BTBD8: variants seen among roughly 807,000 people sequenced by gnomAD.
BTBD8 encodes BTB/POZ domain-containing protein 8.
BTBD8 carries 110 observed loss-of-function variants against 162.9 expected under a neutral mutation model. The observed-to-expected ratio is 0.68, with a 90% CI of 0.58 to 0.79. BTBD8 has a LOEUF of 0.79. Among genes scored for constraint, BTBD8 ranks in the 30% least tolerant of loss-of-function variants. The pLI is 0.00. For missense variants in BTBD8, 1,905 were observed against 2,085.4 expected, an observed-to-expected ratio of 0.91 and a Z score of 1.68; for synonymous variants, 667 against 716.1, an observed-to-expected ratio of 0.93 and a Z score of 1.10.
chr1:92,093,854 T>G (rs1472031691), intron 2 of BTBD8, among the ~76,000 whole-genome samples: 1 of 152,218 alleles, frequency 6.6e-6, no homozygotes, highest in Non-Finnish European at 1.5e-5. Context: ...TGCTATGAAA[T>G]TATACATTTC....
chr1:92,156,889 A>G (rs1398773038), intron 9 of BTBD8, among the ~76,000 whole-genome samples: 1 of 151,102 alleles, frequency 6.6e-6, no homozygotes, highest in Non-Finnish European at 1.5e-5. Context: ...AAAGCAACTC[A>G]GTTTTGTTAT....
At chr1:92,089,239 G>T (rs1243720823) in intron 2 of BTBD8, among the ~76,000 whole-genome samples, 1 of 152,038 alleles carries the variant, frequency 6.6e-6, no homozygotes, top group African/African-American at 2.4e-5. Flanking sequence ...GGCACTACTG[G>T]CATTTCAGGT....
chr1:92,128,083 C>T (rs192751474), intron 4 of BTBD8, among the ~76,000 whole-genome samples: 3 of 152,178 alleles, frequency 2.0e-5, no homozygotes, highest in South Asian at 2.1e-4. Context: ...TCTAGCCTTA[C>T]GAGTTACATT....
At chr1:92,168,134 G>C (rs995851644) in intron 11 of BTBD8, 149 bp downstream of exon 11, 1 of 551,286 alleles carries the variant, frequency 1.8e-6, no homozygotes, top group African/African-American at 2.0e-5. Flanking sequence ...TATATGTTTG[G>C]AATTTTTTAT....
At chr1:92,171,564 T>TGAAG (rs1650547284) in intron 13 of BTBD8, 104 bp downstream of exon 13, 1 of 679,174 alleles carries the variant, frequency 1.5e-6, no homozygotes, top group Non-Finnish European at 2.2e-6. Flanking sequence ...ATTCATTAAT[T>TGAAG]GAAGCTATTT....
chr1:92,080,455 TA>T lies in BTBD8; in HGVS notation c.-116del. 1 of 1,457,016 alleles carries T rather than the reference TA, an allele frequency of 6.9e-7. No individual in the cohort carries two copies. Among genetic ancestry groups the T allele is most frequent in the South Asian group, 1.4e-5 (1 of 72,712 alleles). 90.3% of individuals were successfully genotyped at this position (1,457,016 alleles called of 1,614,324 possible). On this transcript the variant is annotated 5_prime_UTR_variant, in exon 1 of 18. Transcript: ENST00000636805. ...GACGAGAGGCGTCAACCTTTTACCCTAGGGGGCGGATTTGGGTAGGAGCCGA... is the reference window on the plus strand; with the variant it reads ...GACGAGAGGCGTCAACCTTTTACCCTGGGGGCGGATTTGGGTAGGAGCCGA...
chr1:92,102,742 A>T, intron 3 of BTBD8, 73 bp downstream of exon 3: 3 of 1,273,486 alleles, frequency 2.4e-6, no homozygotes, highest in Non-Finnish European at 2.0e-6. Flanking sequence ...AGAGAAAAGC[A>T]TACTTCAAAA....
chr1:92,173,452 G>A (rs963067545), intron 13 of BTBD8, among the ~76,000 whole-genome samples: 5 of 152,020 alleles, frequency 3.3e-5, no homozygotes, highest in Non-Finnish European at 5.9e-5. Flanking sequence ...TGTTATCCCC[G>A]TGTTTTTTAA....
At chr1:92,175,260 C>A (rs1236746134) in intron 13 of BTBD8, among the ~76,000 whole-genome samples, 3 of 151,544 alleles carry the variant, frequency 2.0e-5, no homozygotes. Context: ...GTGGGTGGAT[C>A]ACGAGGTCAA....
At chr1:92,085,367 A>C (rs1463881913) in intron 1 of BTBD8, among the ~76,000 whole-genome samples, 4 of 151,982 alleles carry the variant, frequency 2.6e-5, no homozygotes, top group African/African-American at 9.7e-5. Context: ...CAAGGCGAGC[A>C]GATCACTTGA....
At chr1:92,179,679 CCTT>C (rs747709976) in intron 16 of BTBD8, among the ~76,000 whole-genome samples, 8 of 152,234 alleles carry the variant, frequency 5.3e-5, no homozygotes, top group Admixed American at 1.3e-4. Context: ...AAATTAATCC[CCTT>C]CTTTCCAGTC....
intron 13 of BTBD8, among the ~76,000 whole-genome samples, chr1:92,171,763 A>T (rs1650552661): frequency 1.3e-5 from 2 of 152,332 alleles, no homozygotes; most frequent in East Asian, 3.9e-4. Flanking sequence ...ACCTAATTCA[A>T]TGTCTGTTTT....
chr1:92,146,862 G>GACA (rs781368512), intron 7 of BTBD8, among the ~76,000 whole-genome samples: 5 of 152,070 alleles, frequency 3.3e-5, no homozygotes, highest in Non-Finnish European at 7.4e-5. Context: ...TCTAGTAAAG[G>GACA]ACAACATGGT....
chr1:92,129,056 C>T (rs1434990472), intron 4 of BTBD8, among the ~76,000 whole-genome samples: 4 of 151,788 alleles, frequency 2.6e-5, no homozygotes, highest in Admixed American at 6.6e-5. Flanking sequence ...CCAAAATAAT[C>T]CATATTAAAT....
intron 9 of BTBD8, among the ~76,000 whole-genome samples, chr1:92,155,995 C>A (rs961865854): frequency 1.3e-5 from 2 of 152,102 alleles, no homozygotes; most frequent in African/African-American, 4.8e-5. Context: ...GAATGAGCAT[C>A]CTTGTCTTGT....
rs1479047382 is a variant in BTBD8, at chr1:92,181,166, A to G, written c.3483A>G (p.Gln1161=). The change falls in exon 17 of 18, where the codon CAA becomes CAG. Residue 1161 remains glutamine (Q), a synonymous_variant. Transcript: ENST00000636805. ...CAAATGGTACCTTAAATTCTGCTCAAGAAGACAAAAAATCGAAAGTTCCTG... is the reference window on the plus strand; with the variant it reads ...CAAATGGTACCTTAAATTCTGCTCAGGAAGACAAAAAATCGAAAGTTCCTG... ...ERTNGTLNSA[Q]EDKKSKVPVE... is the part of the protein sequence containing the mutation. The G allele has an allele frequency of 6.4e-7, 1 of 1,551,684 alleles. No homozygotes were observed. Among genetic ancestry groups the G allele is most frequent in the Non-Finnish European group, 8.7e-7 (1 of 1,146,992 alleles).
In BTBD8 at chr1:92,107,837, G is replaced by A. The variant is rs376352986; in HGVS notation, c.545-47G>A. Reference sequence around the variant, plus strand: ...TAATAATAGAAAACAATTTTTGGACGTTTGTAATATTAAACTATTTTTTAG... The same window carrying A: ...TAATAATAGAAAACAATTTTTGGACATTTGTAATATTAAACTATTTTTTAG... On this transcript the variant is annotated intron_variant, in intron 3 of 17. Transcript: ENST00000636805. 2.2e-5 allele frequency: 33 copies of A among 1,471,984 alleles called. No homozygotes were observed. The Middle Eastern group carries it at 5.8e-4, about 26-fold the overall frequency. 91.2% of individuals were successfully genotyped at this position (1,471,984 alleles called of 1,614,324 possible).
chr1:92,143,777 G>A (rs1649835904), intron 7 of BTBD8, among the ~76,000 whole-genome samples: 1 of 151,788 alleles, frequency 6.6e-6, no homozygotes, highest in Non-Finnish European at 1.5e-5. Flanking sequence ...CTCCCAAAGT[G>A]CTGGGATTAC....
At chr1:92,146,524 A>G (rs1269527216) in intron 7 of BTBD8, among the ~76,000 whole-genome samples, 1 of 152,228 alleles carries the variant, frequency 6.6e-6, no homozygotes, top group African/African-American at 2.4e-5. Flanking sequence ...ATGGGTTTAT[A>G]CACATGTATA....
Sources: allele counts gnomAD v4.1 joint callset (sites outside exome capture counted in the v4.1 genomes callset), GRCh38; gene constraint gnomAD v4.1.1; transcripts MANE v1.5; gene names NCBI Gene and HGNC (gene_info 2026-07-23, HGNC 2026-07-21).